IKZF2: variants seen among roughly 807,000 people sequenced by gnomAD.
IKZF2 encodes the protein zinc finger protein Helios.
A neutral mutation model predicts 49.2 loss-of-function variants in IKZF2; 15 were observed. The ratio of observed to expected loss-of-function variants is 0.30; its 90% CI spans 0.20 to 0.47. The LOEUF is 0.47. Among genes scored for constraint, IKZF2 ranks in the 20% least tolerant of loss-of-function variants. The probability of loss-of-function intolerance (pLI) is 1.00; values close to 1 mark genes in which losing one functional copy is unlikely to be tolerated. For missense variants in IKZF2, 567 were observed against 664.6 expected, an observed-to-expected ratio of 0.85 and a Z score of 1.61; for synonymous variants, 227 against 221.4, an observed-to-expected ratio of 1.03 and a Z score of -0.23.
intron 5 of IKZF2, among the ~76,000 whole-genome samples, chr2:213,050,579 T>G (rs1700587483): frequency 1.3e-5 from 2 of 152,246 alleles, no homozygotes; most frequent in Non-Finnish European, 2.9e-5. Flanking sequence ...AGTAAAACCT[T>G]TAGCAAAATT....
intron 4 of IKZF2, among the ~76,000 whole-genome samples, chr2:213,091,663 T>C (rs1307564028): frequency 6.6e-6 from 1 of 152,176 alleles, no homozygotes; most frequent in Non-Finnish European, 1.5e-5. Context: ...GAAAGGTAGA[T>C]ATGAGATCAA....
In IKZF2 at chr2:213,091,897, T is replaced by TGTGC. The variant is rs1167751988; in HGVS notation, c.140-34802_140-34799dup. On this transcript the variant is annotated intron_variant, in intron 4 of 8. Transcript: ENST00000434687. ...AGAGAGTATAAGCTGTGTGTGTGTG[T>TGTGC]GTGCGTGTGTGTGTGTGTATGTGTG... Among the ~76,000 whole-genome samples, 40 of 151,952 alleles carry TGTGC rather than the reference T, an allele frequency of 2.6e-4. 1 individual carries two copies. Among genetic ancestry groups the TGTGC allele is most frequent in the African/African-American group, 8.9e-4 (37 of 41,364 alleles).
chr2:213,068,593 A>T (rs1356799042), intron 4 of IKZF2, among the ~76,000 whole-genome samples: 1 of 152,108 alleles, frequency 6.6e-6, no homozygotes, highest in Non-Finnish European at 1.5e-5. Context: ...CACTATTATA[A>T]GTAATAGTAT....
At chr2:213,017,353 A>G (rs957174237) in intron 7 of IKZF2, among the ~76,000 whole-genome samples, 1 of 152,164 alleles carries the variant, frequency 6.6e-6, no homozygotes, top group Non-Finnish European at 1.5e-5. Context: ...ATCTTCCTAG[A>G]CAGTTTTATT....
intron 2 of IKZF2, 133 bp from the exon 3 acceptor site, chr2:213,148,777 T>G: frequency 1.5e-6 from 1 of 645,304 alleles, no homozygotes; most frequent in Middle Eastern, 2.7e-4. Flanking sequence ...ACATACACAG[T>G]GTACTGTATG....
At chr2:213,102,264 G>A (rs1379355363) in intron 4 of IKZF2, among the ~76,000 whole-genome samples, 1 of 152,168 alleles carries the variant, frequency 6.6e-6, no homozygotes, top group Non-Finnish European at 1.5e-5. Flanking sequence ...GCGTGGTGCT[G>A]TTGGCAGTTG....
rs568104845 is a variant in IKZF2 at position 213,004,056 on chromosome 2, T to G, written c.*3304A>C. The G allele has an allele frequency of 3.3e-5, 5 of 151,992 alleles. No homozygotes were observed. The South Asian group carries it at 1.0e-3, about 31-fold the overall frequency. The allele number at this position is 151,992 out of a possible 1,614,324, so 9.4% of individuals were successfully genotyped here. On this transcript the variant is annotated 3_prime_UTR_variant, in exon 9 of 9. Transcript: ENST00000434687. The stretch of plus-strand genomic sequence containing the variant: ...TACGACCTGATAAAGTAAACCCAAC[T>G]AATTTCTTGGTATTAACTGTCATTT...
intron 4 of IKZF2, among the ~76,000 whole-genome samples, chr2:213,121,809 G>T (rs1269247057): frequency 6.6e-6 from 1 of 152,172 alleles, no homozygotes; most frequent in East Asian, 1.9e-4. Flanking sequence ...TTCTCAGTTT[G>T]GTTAGAACAG....
In IKZF2 at chr2:213,056,956, T is replaced by C. The variant is rs746742369; in HGVS notation, c.283A>G (p.Lys95Glu). 1 of 1,613,828 alleles carries C rather than the reference T, an allele frequency of 6.2e-7. No individual in the cohort carries two copies. The highest frequency in any genetic ancestry group is 8.5e-7 in the Non-Finnish European group (1 of 1,179,872). The change falls in exon 5 of 9, where the codon AAA (lysine) becomes GAA (glutamate). Residue 95 changes from lysine to glutamate, a missense_variant. Transcript: ENST00000434687. ...CCCTCGCCTTGAAGCTCCTGGACTT[T>C]CCTGTTGTCAGCCACCTCGCTGCTC... ...IESSEVADNRKVQELQGEGGI... is the reference protein window; with the variant it reads ...IESSEVADNREVQELQGEGGI...
intron 6 of IKZF2, among the ~76,000 whole-genome samples, chr2:213,038,640 G>T (rs1310669314): frequency 6.7e-6 from 1 of 150,164 alleles, no homozygotes; most frequent in African/African-American, 2.4e-5. Context: ...GAGGGAAAAA[G>T]AATTATAAGA....
intron 6 of IKZF2, among the ~76,000 whole-genome samples, chr2:213,041,934 G>A (rs1316409323): frequency 1.3e-5 from 2 of 152,138 alleles, no homozygotes; most frequent in Non-Finnish European, 2.9e-5. Context: ...AGGGAGTGGA[G>A]ACTACTCTTT....
chr2:213,060,264 T>C (rs997861094), intron 4 of IKZF2, among the ~76,000 whole-genome samples: 2 of 151,396 alleles, frequency 1.3e-5, no homozygotes, highest in East Asian at 3.9e-4. Context: ...CCTAATATTT[T>C]AACTTATTAA....
At chr2:213,066,588 G>C (rs1389538438) in intron 4 of IKZF2, among the ~76,000 whole-genome samples, 2 of 152,078 alleles carry the variant, frequency 1.3e-5, no homozygotes, top group Non-Finnish European at 2.9e-5. Context: ...TAACCAGTAA[G>C]ATCTATCAAG....
chr2:213,016,286 C>T (rs1421794035), intron 7 of IKZF2, among the ~76,000 whole-genome samples: 1 of 152,040 alleles, frequency 6.6e-6, no homozygotes, highest in Non-Finnish European at 1.5e-5. Flanking sequence ...AAGTAATTTC[C>T]TCAGGGTTTA....
At chr2:213,080,712 C>T (rs1703852274) in intron 4 of IKZF2, among the ~76,000 whole-genome samples, 1 of 151,930 alleles carries the variant, frequency 6.6e-6, no homozygotes, top group African/African-American at 2.4e-5. Context: ...CTTTAAATCA[C>T]TGACAAATTT....
At chr2:213,037,541 G>A (rs1413837160) in intron 6 of IKZF2, among the ~76,000 whole-genome samples, 1 of 152,230 alleles carries the variant, frequency 6.6e-6, no homozygotes, top group African/African-American at 2.4e-5. Flanking sequence ...CGGCCTGACT[G>A]AAAGTGGCTT....
chr2:213,114,650 C>T (rs143322570), intron 4 of IKZF2, among the ~76,000 whole-genome samples: 2 of 152,186 alleles, frequency 1.3e-5, no homozygotes, highest in Non-Finnish European at 1.5e-5. Context: ...AACAAAAGCA[C>T]AGGCTAGGTG....
chr2:213,024,937 A>G (rs1188204252), intron 6 of IKZF2, among the ~76,000 whole-genome samples: 1 of 152,096 alleles, frequency 6.6e-6, no homozygotes, highest in Admixed American at 6.6e-5. Context: ...ATATATATTC[A>G]TATAAAAGGA....
chr2:213,068,274 A>C (rs1224515084), intron 4 of IKZF2, among the ~76,000 whole-genome samples: 1 of 152,120 alleles, frequency 6.6e-6, no homozygotes, highest in Non-Finnish European at 1.5e-5. Context: ...TGGTCAGGTA[A>C]GTAGATCAAA....
Sources: gnomAD v4.1 joint callset for allele counts (sites outside exome capture counted in the v4.1 genomes callset) on GRCh38, gnomAD v4.1.1 for gene constraint, MANE v1.5 for transcripts, NCBI Gene and HGNC (gene_info 2026-07-23, HGNC 2026-07-21) for gene names.